Variants in ANKRD13D observed in about 807,000 individuals in gnomAD.
The protein encoded by ANKRD13D is ankyrin repeat domain-containing protein 13D.
A neutral mutation model predicts 68.8 loss-of-function variants in ANKRD13D; 24 were observed. The observed-to-expected ratio is 0.35, with a 90% confidence interval of 0.25 to 0.49. The LOEUF is 0.49. Among genes scored for constraint, ANKRD13D ranks in the 20% least tolerant of loss-of-function variants. The pLI is 0.99. For missense variants in ANKRD13D, 735 were observed against 832.1 expected, an observed-to-expected ratio of 0.88 and a Z score of 1.44; for synonymous variants, 331 against 336.1, an observed-to-expected ratio of 0.98 and a Z score of 0.16.
intron 6 of ANKRD13D, among the ~76,000 whole-genome samples, chr11:67,293,161 C>A (rs1326344662): frequency 6.6e-6 from 1 of 152,142 alleles, no homozygotes; most frequent in Non-Finnish European, 1.5e-5. Context: ...CATATGTTTT[C>A]ATTTCTCTTG....
At chr11:67,298,458 C>G (rs139229154) in intron 6 of ANKRD13D, 26 of 156,344 alleles carry the variant, frequency 1.7e-4, no homozygotes, top group East Asian at 5.6e-4. Flanking sequence ...GTAGAGTGTT[C>G]TAGCCTGCTT....
chr11:67,301,591 T>C lies in ANKRD13D; in HGVS notation c.1452T>C (p.Asp484=), dbSNP rs766798037. The change falls in exon 13 of 15, where the codon GAT becomes GAC. Residue 484 remains aspartate (D), a synonymous_variant. Transcript: ENST00000511455. The surrounding 1 kb of genome is among the most constrained non-coding windows in gnomAD (Gnocchi z 4.5). Reference sequence around the variant, plus strand: ...ACGAGCCCCTCCGGGACGAGGACGATGACCTCCTGCAGTTCGCCATCCAGC... The same window carrying C: ...ACGAGCCCCTCCGGGACGAGGACGACGACCTCCTGCAGTTCGCCATCCAGC... ...ERNEPLRDED[D]DLLQFAIQQS... 4 of 1,612,886 alleles carry C rather than the reference T, an allele frequency of 2.5e-6. No homozygotes were observed. In the Admixed American group the frequency reaches 5.0e-5, roughly 20 times the overall value.
intron 6 of ANKRD13D, among the ~76,000 whole-genome samples, chr11:67,296,720 C>G (rs1185866872): frequency 6.6e-6 from 1 of 152,030 alleles, no homozygotes; most frequent in Non-Finnish European, 1.5e-5. Context: ...GCCTTGAACT[C>G]CTGGGCTTAG....
Position 67,300,400 on chromosome 11 carries a change from C to T in ANKRD13D, c.1073+277C>T, listed in dbSNP as rs1002813068. On this transcript the variant is annotated intron_variant, in intron 10 of 14. Coordinates refer to ENST00000511455, the MANE Select transcript of ANKRD13D (RefSeq NM_207354.3). The surrounding 1 kb of genome is among the most constrained non-coding windows in gnomAD (Gnocchi z 4.3). ...TGAGTACCTGCTGGGGCCAGCGTGG[C>T]ACAGTGGGAAGGGCCCCCAGCGACG... is the stretch of plus-strand genomic sequence containing the variant. The T allele has an allele frequency of 4.9e-5, 22 of 451,030 alleles. No homozygotes were observed. Among genetic ancestry groups the T allele is most frequent in the Non-Finnish European group, 8.7e-5 (22 of 252,108 alleles). The allele number at this position is 451,030 out of a possible 1,614,324, so 27.9% of individuals were successfully genotyped here. A position where few individuals can be genotyped will look rare whatever the true frequency, so the allele number is the denominator to read the frequency against.
rs1225882544 is a variant in ANKRD13D at position 67,289,975 on chromosome 11, C to T, written c.91-103C>T. On this transcript the variant is annotated intron_variant, in intron 1 of 14. Transcript: ENST00000511455. Reference sequence around the variant, plus strand: ...CTCTGCCATCTCCCTGGTCAGTCCGCCGTCCTTATTTCCCACAGCGATTCC... The same window carrying T: ...CTCTGCCATCTCCCTGGTCAGTCCGTCGTCCTTATTTCCCACAGCGATTCC... 3 of 1,465,074 alleles carry T rather than the reference C, an allele frequency of 2.0e-6. No individual in the cohort carries two copies. In the Admixed American group the frequency reaches 7.3e-5, roughly 36 times the overall value. The allele number at this position is 1,465,074 out of a possible 1,614,324, so 90.8% of individuals were successfully genotyped here. A position where few individuals can be genotyped will look rare whatever the true frequency, so the allele number is the denominator to read the frequency against.
rs371069737 is a variant in ANKRD13D at position 67,290,413 on chromosome 11, G to A, written c.318G>A (p.Ala106=). Residue 106 remains alanine, a synonymous_variant, in exon 3 of 15, where the codon GCG becomes GCA. Coordinates refer to ENST00000511455, the MANE Select transcript of ANKRD13D (RefSeq NM_207354.3). ...RDYQRATQRL[A]GIPELLNKLR... ...ACCAGAGGGCCACGCAGAGGCTGGC[G>A]GGCATTCCGGAACTGCTCAACAAAC... 157 of 1,590,350 alleles carry A rather than the reference G, an allele frequency of 9.9e-5. No homozygotes were observed. Among genetic ancestry groups the A allele is most frequent in the Middle Eastern group, 2.2e-4 (1 of 4,596 alleles).
chr11:67,289,621 G>GCCCCCCCCCCCCCCC (rs368498130), intron 1 of ANKRD13D, 71 bp downstream of exon 1: 61 of 808,054 alleles, frequency 7.5e-5, no homozygotes, highest in Admixed American at 2.4e-4. Context: ...CCGTCCTGGA[G>GCCCCCCCCCCCCCCC]CCCCCCCCCC....
Position 67,301,798 on chromosome 11 carries a change from T to G in ANKRD13D, c.1579T>G (p.Tyr527Asp), listed in dbSNP as rs1268839382. 3.1e-6 allele frequency: 5 copies of G among 1,606,274 alleles called. No homozygotes were observed. The highest frequency in any genetic ancestry group is 4.2e-6 in the Non-Finnish European group (5 of 1,177,182). ...CCGCCCTCCTCCCCAGGCCACGGTT[T>G]ATGAGGAACAGCTTCAGCTGGAGCG... ...GARPPPQATV[Y>D]EEQLQLERAL... Residue 527 changes from tyrosine (Y) to aspartate (D), a missense_variant, in exon 14 of 15, where the codon TAT becomes GAT. Transcript: ENST00000511455. The surrounding 1 kb of genome is among the most constrained non-coding windows in gnomAD (Gnocchi z 4.5).
Position 67,297,414 on chromosome 11 carries a change from C to T in ANKRD13D, c.732-1644C>T, listed in dbSNP as rs147412452. 9.5e-4 allele frequency among the ~76,000 whole-genome samples: 144 copies of T among 152,158 alleles called. 2 individuals carry two copies. The highest frequency in any genetic ancestry group is 2.6e-3 in the African/African-American group (109 of 41,514). ...TTCACCATGTTGCACAGGCTGGTCT[C>T]GAACTCCTGTGCTCAAGCAATCTGC... On this transcript the variant is annotated intron_variant, in intron 6 of 14. Coordinates refer to ENST00000511455, the MANE Select transcript of ANKRD13D (RefSeq NM_207354.3).
chr11:67,290,046 C>G (rs1860466674), intron 1 of ANKRD13D, 32 bp from the exon 2 acceptor site: 2 of 1,531,410 alleles, frequency 1.3e-6, no homozygotes. Context: ...CCTCTTCTCT[C>G]CTGCCCTTTG....
chr11:67,294,873 G>A (rs1860703458), intron 6 of ANKRD13D, among the ~76,000 whole-genome samples: 5 of 152,018 alleles, frequency 3.3e-5, no homozygotes, highest in Admixed American at 3.3e-4. Context: ...TTTATTTTTT[G>A]ATTGTGTATT....
rs767964064 is a variant in ANKRD13D, at chr11:67,292,093, T to C, written c.644T>C (p.Met215Thr). ...GAGCCCGAAACACTGCTGGCCGCCA[T>C]GCGGCCCAGCGAGGAGCATGTGGCC... The part of the protein sequence containing the change: ...LQEPETLLAA[M>T]RPSEEHVASR... Residue 215 changes from methionine to threonine, a missense_variant, in exon 6 of 15, where the codon ATG (methionine) becomes ACG (threonine). Coordinates refer to ENST00000511455, the MANE Select transcript of ANKRD13D (RefSeq NM_207354.3). The C allele has an allele frequency of 3.1e-6, 5 of 1,612,422 alleles. No homozygotes were observed. The highest frequency in any genetic ancestry group is 2.7e-5 in the African/African-American group (2 of 74,924).
In ANKRD13D at chr11:67,295,570, C is replaced by A. The variant is rs376430808; in HGVS notation, c.731+3390C>A. On this transcript the variant is annotated intron_variant, in intron 6 of 14. Transcript: ENST00000511455. ...TGAAACATCATCTCTACTAAAAATACAAAAACAAAAAAAAAATTAGCCAGG... is the reference window on the plus strand; with the variant it reads ...TGAAACATCATCTCTACTAAAAATAAAAAAACAAAAAAAAAATTAGCCAGG... Among the ~76,000 whole-genome samples the A allele has an allele frequency of 6.7e-4, 101 of 150,042 alleles. No individual in the cohort carries two copies. In the South Asian group the frequency reaches 0.013, roughly 19 times the overall value.
chr11:67,296,398 CCAAT>C (rs764701952), intron 6 of ANKRD13D, among the ~76,000 whole-genome samples: 2 of 150,258 alleles, frequency 1.3e-5, no homozygotes, highest in South Asian at 2.1e-4. Flanking sequence ...GTTATATTTA[CCAAT>C]CAGTCTCTTG....
In ANKRD13D at chr11:67,301,907, C is replaced by T; in HGVS notation, c.1604+84C>T. 1 of 1,435,620 alleles carries T rather than the reference C, an allele frequency of 7.0e-7. No individual in the cohort carries two copies. Among genetic ancestry groups the T allele is most frequent in the Non-Finnish European group, 9.3e-7 (1 of 1,073,068 alleles). 88.9% of individuals were successfully genotyped at this position (1,435,620 alleles called of 1,614,324 possible). On this transcript the variant is annotated intron_variant, in intron 14 of 14. Coordinates refer to ENST00000511455, the MANE Select transcript of ANKRD13D (RefSeq NM_207354.3). The surrounding 1 kb of genome is among the most constrained non-coding windows in gnomAD (Gnocchi z 4.5). ...GGGGGATAGCAGGAAGGTGCTAGGA[C>T]CCCAGGCCCTCTGCAAGGCCACCCT...
At chr11:67,293,721 G>A (rs1860664823) in intron 6 of ANKRD13D, among the ~76,000 whole-genome samples, 2 of 152,088 alleles carry the variant, frequency 1.3e-5, no homozygotes, top group East Asian at 1.9e-4. Flanking sequence ...TAGAGATAGA[G>A]TCTACAGACT....
In ANKRD13D at chr11:67,301,298, C is replaced by T. The variant is rs1289237210; in HGVS notation, c.1248C>T (p.His416=). The change falls in exon 12 of 15, where the codon CAC becomes CAT. Residue 416 remains histidine (H), a synonymous_variant. Coordinates refer to ENST00000511455, the MANE Select transcript of ANKRD13D (RefSeq NM_207354.3). The surrounding 1 kb of genome is among the most constrained non-coding windows in gnomAD (Gnocchi z 4.5). ...TTCTCACAGAGATTCCCCTTTTCCACGTGCTCAATGCCCGCATCACCTTCA... is the reference window on the plus strand; with the variant it reads ...TTCTCACAGAGATTCCCCTTTTCCATGTGCTCAATGCCCGCATCACCTTCA... ...FPVKIEIPLF[H]VLNARITFSN... 5 of 1,612,496 alleles carry T rather than the reference C, an allele frequency of 3.1e-6. No homozygotes were observed. Among genetic ancestry groups the T allele is most frequent in the South Asian group, 1.1e-5 (1 of 90,812 alleles).
At chr11:67,289,621 G>GGCCCCCCC in intron 1 of ANKRD13D, 71 bp downstream of exon 1, 1 of 807,412 alleles carries the variant, frequency 1.2e-6, no homozygotes, top group South Asian at 2.0e-5. Flanking sequence ...CCGTCCTGGA[G>GGCCCCCCC]CCCCCCCCCC....
Position 67,299,493 on chromosome 11 carries a change from T to G in ANKRD13D, c.799-37T>G. ...GTGAGGCTGAGTGTGGGGAGCAGGC[T>G]CTGAGCCCCCAGCTCCCCGTGTCCC... is the stretch of plus-strand genomic sequence containing the variant. On this transcript the variant is annotated intron_variant, in intron 7 of 14. Coordinates refer to ENST00000511455, the MANE Select transcript of ANKRD13D (RefSeq NM_207354.3). This position sits in a 1 kb window ranked among gnomAD's most constrained non-coding sequence, Gnocchi z 6.2. 1 of 1,510,288 alleles carries G rather than the reference T, an allele frequency of 6.6e-7. No individual in the cohort carries two copies. The allele number at this position is 1,510,288 out of a possible 1,614,324, so 93.6% of individuals were successfully genotyped here. A position where few individuals can be genotyped will look rare whatever the true frequency, so the allele number is the denominator to read the frequency against.
Sources: allele counts gnomAD v4.1 joint callset (sites outside exome capture counted in the v4.1 genomes callset), GRCh38; gene constraint gnomAD v4.1.1; non-coding constraint Gnocchi (gnomAD v3.1); transcripts MANE v1.5; gene names NCBI Gene and HGNC (gene_info 2026-07-23, HGNC 2026-07-21).